The following EDA variants were observed in gnomAD, a reference collection of about 807,000 sequenced individuals.
The protein encoded by EDA is ectodysplasin-A.
EDA carries 2 observed loss-of-function variants against 23.6 expected under a neutral mutation model. The ratio of observed to expected loss-of-function variants is 0.08; its 90% CI spans 0.03 to 0.27. The LOEUF is 0.27. EDA is among the 10% of genes least tolerant of loss of function. The probability of loss-of-function intolerance (pLI) is 1.00; values close to 1 mark genes in which losing one functional copy is unlikely to be tolerated. For synonymous variants in EDA, 131 were observed against 132.0 expected, an observed-to-expected ratio of 0.99 and a Z score of 0.05; for missense variants, 229 against 324.2, an observed-to-expected ratio of 0.71 and a Z score of 2.26.
chrX:69,661,117 T>C (rs1167789638), intron 1 of EDA, among the ~76,000 whole-genome samples: 1 of 110,096 alleles, frequency 9.1e-6, no homozygotes, highest in Non-Finnish European at 1.9e-5. Context: ...CATTTTTTCA[T>C]GTGTTTTTTG....
chrX:69,706,850 G>T (rs2011746676), intron 1 of EDA, among the ~76,000 whole-genome samples: 1 of 111,167 alleles, frequency 9.0e-6, no homozygotes, highest in African/African-American at 3.3e-5. Context: ...ATGCTGAAGA[G>T]GCCTAATGAG....
chrX:69,655,068 A>G (rs1933258762), intron 1 of EDA, among the ~76,000 whole-genome samples: 2 of 112,073 alleles, frequency 1.8e-5, no homozygotes, highest in Non-Finnish European at 1.9e-5. Context: ...AACTTCTGCT[A>G]TGTGCTAGGC....
At chrX:69,750,581 C>T (rs992994479) in intron 1 of EDA, among the ~76,000 whole-genome samples, 1 of 111,126 alleles carries the variant, frequency 9.0e-6, no homozygotes, top group Non-Finnish European at 1.9e-5. Context: ...AGTTCTAGAT[C>T]CTTGAGGAAT....
rs928226941 is a variant in EDA at position 69,628,640 on chromosome X, A to C, written c.396+11936A>C. 8.1e-5 allele frequency among the ~76,000 whole-genome samples: 9 copies of C among 111,235 alleles called. 1 individual carries two copies. In the Admixed American group the frequency reaches 8.6e-4, roughly 11 times the overall value. ...TCTTCATTCTTCCCCTTCCCACCAC[A>C]CACACCAAATTTTATAAAAGTAAAC... On this transcript the variant is annotated intron_variant, in intron 1 of 7. Transcript: ENST00000374552.
chrX:69,775,768 T>G (rs1400708290), intron 1 of EDA, among the ~76,000 whole-genome samples: 1 of 112,168 alleles, frequency 8.9e-6, no homozygotes, highest in African/African-American at 3.2e-5. Context: ...AGATGATAGT[T>G]ACAACCTATA....
At chrX:69,940,548 G>T (rs2018742988) in intron 1 of EDA, among the ~76,000 whole-genome samples, 1 of 109,659 alleles carries the variant, frequency 9.1e-6, no homozygotes, top group Non-Finnish European at 1.9e-5. Context: ...TCATTTTATT[G>T]ATCTTTTGTA....
intron 1 of EDA, among the ~76,000 whole-genome samples, chrX:69,851,170 T>TGTGTGTGC (rs1556018789): frequency 9.2e-6 from 1 of 108,769 alleles, no homozygotes; most frequent in Non-Finnish European, 1.9e-5. Context: ...TGTGTGTGTG[T>TGTGTGTGC]GTGTGTGTGT....
At chrX:69,848,257 C>T (rs1337591054) in intron 1 of EDA, among the ~76,000 whole-genome samples, 1 of 111,561 alleles carries the variant, frequency 9.0e-6, no homozygotes, top group Non-Finnish European at 1.9e-5. Context: ...CCTTAGGCCA[C>T]TTGAAATTTG....
chrX:69,673,983 C>G (rs1396308230), intron 1 of EDA, among the ~76,000 whole-genome samples: 1 of 111,506 alleles, frequency 9.0e-6, no homozygotes, highest in Non-Finnish European at 1.9e-5. Context: ...TTCCTGGAAC[C>G]CTGCTGCCCC....
chrX:69,830,952 A>G (rs752419411), intron 1 of EDA, among the ~76,000 whole-genome samples: 1 of 111,708 alleles, frequency 9.0e-6, no homozygotes, highest in Non-Finnish European at 1.9e-5. Context: ...ACCACATACT[A>G]TGTTTCTCCC....
At chrX:69,931,663 T>C (rs766936961) in intron 1 of EDA, among the ~76,000 whole-genome samples, 4 of 112,062 alleles carry the variant, frequency 3.6e-5, no homozygotes, top group Non-Finnish European at 5.6e-5. Context: ...CCTATTAGAA[T>C]AATTAAACTT....
rs2020270565 is a variant in EDA, at chrX:70,036,579, A to ATT, written c.*971_*972dup. On this transcript the variant is annotated 3_prime_UTR_variant, in exon 8 of 8. Coordinates refer to ENST00000374552, the MANE Select transcript of EDA (RefSeq NM_001399.5). ...TAAGCAGTACAAATGTTTTTCATCC[A>ATT]TTCCTAATCAAATTCTGTCTGGGGA... is the stretch of plus-strand genomic sequence containing the variant. The ATT allele has an allele frequency of 8.9e-6, 1 of 112,679 alleles. No homozygotes were observed. The highest frequency in any genetic ancestry group is 1.9e-5 in the Non-Finnish European group (1 of 53,280). 9.3% of individuals were successfully genotyped at this position (112,679 alleles called of 1,213,427 possible).
chrX:69,843,272 T>C (rs1013538422), intron 1 of EDA, among the ~76,000 whole-genome samples: 2 of 112,273 alleles, frequency 1.8e-5, no homozygotes, highest in Admixed American at 9.4e-5. Context: ...TTTATAACAT[T>C]ATGTTATAGG....
intron 1 of EDA, among the ~76,000 whole-genome samples, chrX:69,801,720 A>C (rs1428848270): frequency 8.9e-6 from 1 of 111,954 alleles, no homozygotes. Flanking sequence ...TCGTAGAAGA[A>C]GAAACATGAA....
intron 1 of EDA, among the ~76,000 whole-genome samples, chrX:69,776,735 A>G (rs1213562494): frequency 9.0e-6 from 1 of 111,052 alleles, no homozygotes; most frequent in African/African-American, 3.3e-5. Context: ...GAGAAGATTT[A>G]TTCTGAGCTT....
At chrX:69,836,497 C>G (rs925922818) in intron 1 of EDA, among the ~76,000 whole-genome samples, 2 of 112,566 alleles carry the variant, frequency 1.8e-5, no homozygotes, top group South Asian at 3.7e-4. Context: ...CAGACTGCTG[C>G]GCTACCAGTG....
At chrX:69,828,237 G>A (rs1243804730) in intron 1 of EDA, among the ~76,000 whole-genome samples, 1 of 112,455 alleles carries the variant, frequency 8.9e-6, no homozygotes, top group Admixed American at 9.4e-5. Context: ...CCCAGTTGGA[G>A]CTTCCAGTCT....
At chrX:69,825,885 T>G (rs1602451611) in intron 1 of EDA, among the ~76,000 whole-genome samples, 1 of 110,050 alleles carries the variant, frequency 9.1e-6, no homozygotes. Context: ...TCCCAGAGAT[T>G]CTGGTATGTT....
chrX:69,856,312 G>A (rs2017252391), intron 1 of EDA, among the ~76,000 whole-genome samples: 1 of 98,577 alleles, frequency 1.0e-5, no homozygotes, highest in South Asian at 4.8e-4. Context: ...AAATTCTGCT[G>A]CTATAAACAT....
Sources: allele counts gnomAD v4.1 joint callset (sites outside exome capture counted in the v4.1 genomes callset), GRCh38; gene constraint gnomAD v4.1.1; transcripts MANE v1.5; gene names NCBI Gene and HGNC (gene_info 2026-07-23, HGNC 2026-07-21).